Variants in ABCE1 observed in about 807,000 individuals in gnomAD.
The protein encoded by ABCE1 is ATP binding cassette subfamily E member 1, also known as ATP-binding cassette sub-family E member 1.
A neutral mutation model predicts 83.4 loss-of-function variants in ABCE1; 22 were observed. The observed-to-expected ratio is 0.26, with a 90% CI of 0.19 to 0.38. The LOEUF is 0.38. ABCE1 is among the 10% of genes least tolerant of loss of function. The pLI, the probability that ABCE1 is intolerant of heterozygous loss-of-function variation, is 1.00. For missense variants in ABCE1, 330 were observed against 721.9 expected (o/e 0.46, Z 6.22); for synonymous variants, 204 against 233.7 (o/e 0.87, Z 1.16).
At chr4:145,112,216 C>CTTTTTTTTTTTTTT (rs4148239) in intron 8 of ABCE1, 23 bp from the exon 9 acceptor site, 3 of 1,130,616 alleles carry the variant, frequency 2.7e-6, no homozygotes, top group African/African-American at 1.7e-5. Flanking sequence ...CTTATATTTG[C>CTTTTTTTTTTTTTT]TTTTTTTTTT....
At chr4:145,105,732 A>C in intron 3 of ABCE1, 42 bp downstream of exon 3, 3 of 1,422,000 alleles carry the variant, frequency 2.1e-6, no homozygotes, top group Non-Finnish European at 2.9e-6. Context: ...TGTAACCTAA[A>C]ACTGAAATCT....
chr4:145,107,879 G>C (rs926803190), intron 3 of ABCE1, 136 bp from the exon 4 acceptor site: 1 of 677,946 alleles, frequency 1.5e-6, no homozygotes, highest in African/African-American at 1.8e-5. Flanking sequence ...AATAGTAGAA[G>C]GAAATGAAAC....
At chr4:145,118,845 A>T (rs767685851) in intron 10 of ABCE1, among the ~76,000 whole-genome samples, 2 of 151,874 alleles carry the variant, frequency 1.3e-5, no homozygotes, top group Non-Finnish European at 3.0e-5. Flanking sequence ...TTTTAAATTG[A>T]CAAGACAAAC....
intron 10 of ABCE1, among the ~76,000 whole-genome samples, chr4:145,117,752 A>G (rs988449086): frequency 1.3e-5 from 2 of 151,878 alleles, no homozygotes; most frequent in Non-Finnish European, 3.0e-5. Flanking sequence ...GGCCAATACC[A>G]GTAATGAAAC....
intron 11 of ABCE1, 44 bp from the exon 12 acceptor site, chr4:145,121,130 G>A (rs760493880): frequency 9.4e-5 from 151 of 1,598,184 alleles, no homozygotes; most frequent in Non-Finnish European, 1.1e-4. Flanking sequence ...TACTTTAAAC[G>A]TCAAGCATCT....
chr4:145,119,653 C>G (rs990517145), intron 10 of ABCE1, among the ~76,000 whole-genome samples: 2 of 151,892 alleles, frequency 1.3e-5, no homozygotes, highest in African/African-American at 2.4e-5. Context: ...AAAAGGACAT[C>G]ATGTGCTCTC....
intron 16 of ABCE1, 119 bp from the exon 17 acceptor site, chr4:145,124,871 C>A: frequency 3.0e-6 from 2 of 659,858 alleles, no homozygotes; most frequent in Non-Finnish European, 5.3e-6. Flanking sequence ...TACTGTTATC[C>A]AGATGATTTA....
At chr4:145,107,340 G>A (rs954206051) in intron 3 of ABCE1, among the ~76,000 whole-genome samples, 4 of 152,092 alleles carry the variant, frequency 2.6e-5, no homozygotes, top group Non-Finnish European at 5.9e-5. Context: ...ACTTTACAAG[G>A]TAGAACAGGA....
intron 9 of ABCE1, among the ~76,000 whole-genome samples, chr4:145,113,111 A>T (rs35609038): frequency 0.27 from 41,441 of 152,100 alleles, 7,119 homozygotes; most frequent in Non-Finnish European, 0.38. Flanking sequence ...GAGTAATAGG[A>T]CCAGATGTTG....
chr4:145,116,614 C>T (rs1266655550), intron 9 of ABCE1, among the ~76,000 whole-genome samples: 1 of 151,914 alleles, frequency 6.6e-6, no homozygotes, highest in Non-Finnish European at 1.5e-5. Flanking sequence ...TAAAGTGCTA[C>T]ATAAAACCTT....
intron 7 of ABCE1, 75 bp from the exon 8 acceptor site, chr4:145,110,893 A>G: frequency 1.1e-6 from 1 of 925,014 alleles, no homozygotes; most frequent in Non-Finnish European, 1.6e-6. Context: ...CAAACTTCAA[A>G]TGATGACATG....
chr4:145,100,090 A>G (rs1295711832), intron 1 of ABCE1, among the ~76,000 whole-genome samples: 1 of 152,272 alleles, frequency 6.6e-6, no homozygotes. Context: ...CAGTTAATTA[A>G]CAGTTCTACA....
intron 13 of ABCE1, 159 bp downstream of exon 13, chr4:145,121,550 AT>A: frequency 1.7e-6 from 1 of 598,410 alleles, no homozygotes; most frequent in Non-Finnish European, 2.9e-6. Context: ...CTTGATTCAT[AT>A]CCACTGCTAA....
chr4:145,110,945 C>A lies in ABCE1; in HGVS notation c.614-23C>A, dbSNP rs1749453730. The A allele has an allele frequency of 2.0e-6, 3 of 1,517,432 alleles. No homozygotes were observed. The South Asian group carries it at 3.5e-5, about 18-fold the overall frequency. 94.0% of individuals were successfully genotyped at this position (1,517,432 alleles called of 1,614,324 possible). On this transcript the variant is annotated intron_variant, in intron 7 of 17. Coordinates refer to ENST00000296577, the MANE Select transcript of ABCE1 (RefSeq NM_002940.3). ...TGGAAGAGGTGAAATACATTGAGCA[C>A]AATGCCTCTATGTTCTTTGTAGATT...
intron 13 of ABCE1, 64 bp downstream of exon 13, chr4:145,121,455 CT>C: frequency 8.3e-7 from 1 of 1,202,498 alleles, no homozygotes; most frequent in Non-Finnish European, 1.2e-6. Context: ...TAGCTTTCAT[CT>C]TTTACTATAT....
intron 3 of ABCE1, among the ~76,000 whole-genome samples, chr4:145,105,930 A>G (rs1284384372): frequency 6.6e-6 from 1 of 151,932 alleles, no homozygotes; most frequent in African/African-American, 2.4e-5. Context: ...ATTTCCAACC[A>G]AAATTTCTCT....
chr4:145,126,004 G>A (rs1192653878), intron 17 of ABCE1, among the ~76,000 whole-genome samples: 2 of 152,064 alleles, frequency 1.3e-5, no homozygotes, highest in Non-Finnish European at 2.9e-5. Flanking sequence ...TCGTTCCACT[G>A]TACTCCAGCC....
intron 3 of ABCE1, among the ~76,000 whole-genome samples, chr4:145,107,622 A>G (rs555832465): frequency 2.3e-4 from 35 of 152,336 alleles, no homozygotes; most frequent in African/African-American, 8.4e-4. Context: ...CAAACTGTGC[A>G]GATCTACATA....
chr4:145,117,438 A>G (rs1366069821), intron 10 of ABCE1, 24 bp downstream of exon 10: 30 of 1,606,840 alleles, frequency 1.9e-5, no homozygotes, highest in Non-Finnish European at 2.6e-5. Flanking sequence ...CTTTTTTCAC[A>G]TATGCTGTAT....
Sources: allele counts gnomAD v4.1 joint callset (sites outside exome capture counted in the v4.1 genomes callset), GRCh38; gene constraint gnomAD v4.1.1; transcripts MANE v1.5; gene names NCBI Gene and HGNC (gene_info 2026-07-23, HGNC 2026-07-21).